Variants in SVOPL observed in about 807,000 individuals in gnomAD.
SVOPL encodes the protein putative transporter SVOPL.
A neutral mutation model predicts 61.0 loss-of-function variants in SVOPL; 60 were observed. The ratio of observed to expected loss-of-function variants is 0.98; its 90% CI spans 0.80 to 1.22. The LOEUF is 1.22. Among genes scored for constraint, SVOPL ranks in the 50% most tolerant of loss-of-function variants. SVOPL has a pLI of 0.00. For missense variants in SVOPL, 662 were observed against 643.9 expected, an observed-to-expected ratio of 1.03 and a Z score of -0.30; for synonymous variants, 279 against 250.0, an observed-to-expected ratio of 1.12 and a Z score of -1.09.
At chr7:138,648,938 G>T (rs1801277321) in intron 8 of SVOPL, 74 bp downstream of exon 8, 2 of 1,595,250 alleles carry the variant, frequency 1.3e-6, no homozygotes, top group Non-Finnish European at 1.7e-6. Flanking sequence ...GAAAATAAAA[G>T]ATATTTGTGG....
At chr7:138,678,857 A>G in intron 2 of SVOPL, 107 bp downstream of exon 2, 1 of 1,168,456 alleles carries the variant, frequency 8.6e-7, no homozygotes, top group Non-Finnish European at 1.2e-6. Flanking sequence ...GGTGTGAGCC[A>G]CCATGCCTGG....
chr7:138,676,050 G>A (rs1802551827), intron 3 of SVOPL, among the ~76,000 whole-genome samples: 1 of 152,198 alleles, frequency 6.6e-6, no homozygotes, highest in Admixed American at 6.5e-5. Flanking sequence ...TGGCCAGGCT[G>A]GTCTCAGACT....
intron 1 of SVOPL, among the ~76,000 whole-genome samples, chr7:138,695,665 TAG>T (rs1803049466): frequency 6.6e-6 from 1 of 152,124 alleles, no homozygotes; most frequent in Non-Finnish European, 1.5e-5. Context: ...TCAAAAGAAG[TAG>T]TAGTTGACCA....
intron 13 of SVOPL, among the ~76,000 whole-genome samples, 172 bp downstream of exon 13, chr7:138,625,797 G>A (rs1020539113): frequency 3.9e-5 from 6 of 152,210 alleles, no homozygotes; most frequent in African/African-American, 1.2e-4. Context: ...TCAATAGACT[G>A]AGTGGGGAAG....
chr7:138,648,975 A>T (rs777913767), intron 8 of SVOPL, 37 bp downstream of exon 8: 1 of 1,612,482 alleles, frequency 6.2e-7, no homozygotes. Context: ...GACCAGCAGG[A>T]GGAGGGGACA....
chr7:138,600,665 ATG>A (rs1798476571), intron 14 of SVOPL, among the ~76,000 whole-genome samples: 1 of 152,110 alleles, frequency 6.6e-6, no homozygotes. Flanking sequence ...TTGTTTAACA[ATG>A]TGTTTATAGA....
At chr7:138,642,334 G>A (rs538866150) in intron 9 of SVOPL, among the ~76,000 whole-genome samples, 39 of 143,356 alleles carry the variant, frequency 2.7e-4, no homozygotes, top group South Asian at 1.4e-3. Context: ...CCCCGCCCCC[G>A]CAAAAGCTTG....
chr7:138,645,380 C>T (rs1399659134), intron 8 of SVOPL, among the ~76,000 whole-genome samples: 1 of 152,190 alleles, frequency 6.6e-6, no homozygotes, highest in African/African-American at 2.4e-5. Flanking sequence ...CTCTGACCAC[C>T]TCCCGTCTCT....
At chr7:138,692,368 A>G (rs1010320968) in intron 1 of SVOPL, among the ~76,000 whole-genome samples, 4 of 152,180 alleles carry the variant, frequency 2.6e-5, no homozygotes, top group Admixed American at 1.3e-4. Context: ...GGGCAAGGCC[A>G]GAAGCACCCC....
At chr7:138,685,366 A>G (rs1158126673) in intron 1 of SVOPL, among the ~76,000 whole-genome samples, 1 of 152,232 alleles carries the variant, frequency 6.6e-6, no homozygotes, top group Admixed American at 6.5e-5. Flanking sequence ...TATCATTTAC[A>G]TGACGAATCT....
chr7:138,694,200 C>G (rs11769011), intron 1 of SVOPL, among the ~76,000 whole-genome samples: 11,944 of 152,274 alleles, frequency 0.078, 954 homozygotes, highest in African/African-American at 0.2. Flanking sequence ...TAGTCAAACA[C>G]GTATACAACG....
At position 138,687,807 on chromosome 7, in the gene SVOPL, AT is replaced by A. The variant is rs548539622; in HGVS notation, c.-34-8729del. Among the ~76,000 whole-genome samples, 1,432 of 144,496 alleles carry A rather than the reference AT, an allele frequency of 9.9e-3. 16 individuals carry two copies. The highest frequency in any genetic ancestry group is 0.031 in the African/African-American group (1,233 of 39,682). 94.8% of individuals were successfully genotyped at this position (144,496 alleles called of 152,430 possible). A position where few individuals can be genotyped will look rare whatever the true frequency, so the allele number is the denominator to read the frequency against. Reference sequence around the variant, plus strand: ...AACTCGATAATAAAAAGAAAATCTAATTTTTTTTTTTTTTAAATAGAGTCTT... The same window carrying A: ...AACTCGATAATAAAAAGAAAATCTAATTTTTTTTTTTTTAAATAGAGTCTT... On this transcript the variant is annotated intron_variant, in intron 1 of 15. Transcript: ENST00000674285.
Position 138,594,630 on chromosome 7 carries a change from A to G in SVOPL, c.1468-9T>C. The G allele has an allele frequency of 6.3e-7, 1 of 1,593,822 alleles. No individual in the cohort carries two copies. The highest frequency in any genetic ancestry group is 8.6e-7 in the Non-Finnish European group (1 of 1,169,518). ...GGTCTTCATTTAATTTGCTGGAAGA[A>G]AGTTATTTAATAGATCAGTAATAGA... On this transcript the variant is annotated splice_polypyrimidine_tract_variant and intron_variant, in intron 15 of 15. Transcript: ENST00000674285.
In SVOPL at chr7:138,700,005, T is replaced by G. The variant is rs564748401; in HGVS notation, c.-35+1173A>C. On this transcript the variant is annotated intron_variant, in intron 1 of 15. Transcript: ENST00000674285. Reference sequence around the variant, plus strand: ...CAGAGTTTTCAACAACAGGATTCCTTTGGTGGAGCAAGTTGCAGGGCACAG... The same window carrying G: ...CAGAGTTTTCAACAACAGGATTCCTGTGGTGGAGCAAGTTGCAGGGCACAG... Among the ~76,000 whole-genome samples, 170 of 152,268 alleles carry G rather than the reference T, an allele frequency of 1.1e-3. No individual in the cohort carries two copies. The Middle Eastern group carries it at 0.02, about 18-fold the overall frequency.
At chr7:138,643,707 A>C (rs1186519315) in intron 9 of SVOPL, among the ~76,000 whole-genome samples, 1 of 151,490 alleles carries the variant, frequency 6.6e-6, no homozygotes, top group African/African-American at 2.4e-5. Flanking sequence ...TAGAATAGTC[A>C]ATTTTATAGA....
At chr7:138,629,293 C>T (rs1800059387) in intron 10 of SVOPL, among the ~76,000 whole-genome samples, 1 of 149,876 alleles carries the variant, frequency 6.7e-6, no homozygotes, top group South Asian at 2.1e-4. Flanking sequence ...TGCAGTGGTG[C>T]AATCTCGGCT....
At chr7:138,676,120 G>C in intron 3 of SVOPL, among the ~76,000 whole-genome samples, 1 of 152,338 alleles carries the variant, frequency 6.6e-6, no homozygotes, top group Non-Finnish European at 1.5e-5. Flanking sequence ...ACAGGCATGA[G>C]CCACAGTGCC....
chr7:138,619,561 T>TA (rs11440977), intron 14 of SVOPL, among the ~76,000 whole-genome samples: 18,544 of 60,160 alleles, frequency 0.31, 3,985 homozygotes, highest in East Asian at 0.41. Flanking sequence ...TCTCAGATGT[T>TA]AAAAAAAAAA....
chr7:138,628,420 G>A (rs759813769), intron 10 of SVOPL, 57 bp from the exon 11 acceptor site: 3 of 1,559,716 alleles, frequency 1.9e-6, no homozygotes, highest in East Asian at 2.2e-5. Context: ...TGAAGGATGA[G>A]TGGGGAGGGG....
Sources: allele counts gnomAD v4.1 joint callset (sites outside exome capture counted in the v4.1 genomes callset), GRCh38; gene constraint gnomAD v4.1.1; transcripts MANE v1.5; gene names NCBI Gene and HGNC (gene_info 2026-07-23, HGNC 2026-07-21).